Variants in ARHGAP21 observed in about 807,000 individuals in gnomAD.
The protein encoded by ARHGAP21 is rho GTPase-activating protein 21.
Under a neutral mutation model 164.6 loss-of-function variants are expected in ARHGAP21, and 38 were observed. The observed-to-expected ratio is 0.23, with a 90% CI of 0.18 to 0.30. ARHGAP21 has a LOEUF of 0.30. Ranked by LOEUF, ARHGAP21 falls within the 10% of genes least tolerant of loss-of-function variation. The pLI is 1.00. For synonymous variants in ARHGAP21, 766 were observed against 857.9 expected, an observed-to-expected ratio of 0.89 and a Z score of 1.87; for missense variants, 1,822 against 2,370.7, an observed-to-expected ratio of 0.77 and a Z score of 4.81.
At chr10:24,595,305 T>G in intron 19 of ARHGAP21, 115 bp from the exon 20 acceptor site, 1 of 916,578 alleles carries the variant, frequency 1.1e-6, no homozygotes, top group Non-Finnish European at 1.6e-6. Flanking sequence ...TCTAATAGTT[T>G]TGAAATGTAA....
intron 4 of ARHGAP21, among the ~76,000 whole-genome samples, chr10:24,666,557 G>A (rs941605279): frequency 6.6e-6 from 1 of 152,132 alleles, no homozygotes; most frequent in Non-Finnish European, 1.5e-5. Context: ...GTTCATTAAT[G>A]TTTAAATCAA....
At chr10:24,686,149 G>A (rs893347577) in intron 2 of ARHGAP21, among the ~76,000 whole-genome samples, 5 of 151,966 alleles carry the variant, frequency 3.3e-5, no homozygotes, top group Non-Finnish European at 7.4e-5. Context: ...AAACTACTTA[G>A]GCCGGACATG....
Position 24,678,938 on chromosome 10 carries a change from T to C in ARHGAP21, c.64-8541A>G, listed in dbSNP as rs911494672. 2.2e-4 allele frequency among the ~76,000 whole-genome samples: 34 copies of C among 152,378 alleles called. 1 individual carries two copies. The highest frequency in any genetic ancestry group is 3.4e-3 in the Middle Eastern group (1 of 294). The stretch of plus-strand genomic sequence containing the variant: ...TCACCGAGGTTGCTGCATGTATCTA[T>C]AGTTCATTCCTTTTCATTGCTGAGT... On this transcript the variant is annotated intron_variant, in intron 2 of 25. Transcript: ENST00000396432.
intron 4 of ARHGAP21, among the ~76,000 whole-genome samples, chr10:24,666,442 T>G (rs188124331): frequency 6.6e-6 from 1 of 152,194 alleles, no homozygotes; most frequent in African/African-American, 2.4e-5. Flanking sequence ...GAAATAAAAG[T>G]TTTTAATGGG....
chr10:24,591,418 C>G (rs1469754895), intron 23 of ARHGAP21, 88 bp from the exon 24 acceptor site: 1 of 1,237,596 alleles, frequency 8.1e-7, no homozygotes, highest in African/African-American at 1.5e-5. Flanking sequence ...AGACACATTA[C>G]TAAGTAAAGC....
intron 9 of ARHGAP21, 129 bp downstream of exon 9, chr10:24,619,344 T>C (rs190479052): frequency 3.3e-6 from 3 of 908,342 alleles, no homozygotes; most frequent in East Asian, 5.3e-5. Flanking sequence ...GCACAGCTTA[T>C]GAGATTCACT....
At chr10:24,590,938 AT>A in intron 24 of ARHGAP21, 1 of 897,342 alleles carries the variant, frequency 1.1e-6, no homozygotes, top group South Asian at 5.1e-5. Context: ...GAAACTGTGA[AT>A]TAAAAAAAAA....
chr10:24,703,704 G>A (rs1039440301), intron 2 of ARHGAP21, among the ~76,000 whole-genome samples: 1 of 152,092 alleles, frequency 6.6e-6, no homozygotes, highest in Non-Finnish European at 1.5e-5. Flanking sequence ...GTCTCCTTCA[G>A]TTGTTCTCCT....
At chr10:24,623,000 A>C (rs1834732272) in intron 7 of ARHGAP21, among the ~76,000 whole-genome samples, 1 of 152,204 alleles carries the variant, frequency 6.6e-6, no homozygotes, top group Non-Finnish European at 1.5e-5. Context: ...TCTTGAAAGC[A>C]AAATACATCT....
chr10:24,722,043 G>A lies in ARHGAP21; in HGVS notation c.-144C>T. 1 of 814,680 alleles carries A rather than the reference G, an allele frequency of 1.2e-6. No individual in the cohort carries two copies. The highest frequency in any genetic ancestry group is 1.6e-5 in the South Asian group (1 of 64,478). The allele number at this position is 814,680 out of a possible 1,614,324, so 50.5% of individuals were successfully genotyped here. On this transcript the variant is annotated 5_prime_UTR_variant, in exon 2 of 26. Coordinates refer to ENST00000396432, the MANE Select transcript of ARHGAP21 (RefSeq NM_020824.4). ...GGCTGTTGAAACAGACAACGTGCCA[G>A]GGAATAAAGGTTTTCAGGAAGCGCC... is the stretch of plus-strand genomic sequence containing the variant.
chr10:24,620,678 C>T lies in ARHGAP21; in HGVS notation c.1217G>A (p.Arg406Gln), dbSNP rs766681197. ...IDNRRLHIGC[R>Q]TIQERLDSLR... is the part of the protein sequence containing the mutation. ...ACTATCTAATCTTTCTTGTATTGTC[C>T]GACAACCTATGTGCAATCGTCTGTT... is the stretch of plus-strand genomic sequence containing the variant. The change falls in exon 9 of 26, where the codon CGG becomes CAG. Residue 406 changes from arginine (R) to glutamine (Q), a missense_variant. This residue lies in a region of ARHGAP21 where 1,090 missense variants were observed against 1,378.9 expected (regional missense o/e 0.79). Transcript: ENST00000396432. The T allele has an allele frequency of 2.8e-5, 45 of 1,613,934 alleles. No homozygotes were observed. Among genetic ancestry groups the T allele is most frequent in the Admixed American group, 6.7e-5 (4 of 59,990 alleles).
At chr10:24,669,302 C>T (rs1425518725) in intron 3 of ARHGAP21, among the ~76,000 whole-genome samples, 7 of 152,170 alleles carry the variant, frequency 4.6e-5, no homozygotes, top group South Asian at 2.1e-4. Flanking sequence ...GATAAAAATA[C>T]GGACACTACT....
At chr10:24,695,050 CAAAAAAAAAAAAAAAAAA>C (rs570457905) in intron 2 of ARHGAP21, among the ~76,000 whole-genome samples, 2 of 78,506 alleles carry the variant, frequency 2.5e-5, no homozygotes, top group Admixed American at 1.7e-4. Context: ...AATTCCATCT[CAAAAAAAAAAAAAAAAAA>C]AAAAAAAAAA....
chr10:24,595,668 T>C (rs747161640), intron 19 of ARHGAP21, 49 bp downstream of exon 19: 4 of 1,546,208 alleles, frequency 2.6e-6, no homozygotes, highest in African/African-American at 1.4e-5. Context: ...GGTTTTCCAA[T>C]TGTAACTTGA....
At chr10:24,587,168 A>G (rs938990705) in intron 25 of ARHGAP21, among the ~76,000 whole-genome samples, 2 of 152,118 alleles carry the variant, frequency 1.3e-5, no homozygotes, top group Non-Finnish European at 2.9e-5. Flanking sequence ...AAAATTTTTT[A>G]AGATGGAGTT....
In ARHGAP21 at chr10:24,590,333, G is replaced by C. The variant is rs775270456; in HGVS notation, c.4150+892C>G. 3 of 1,535,240 alleles carry C rather than the reference G, an allele frequency of 2.0e-6. No homozygotes were observed. In the South Asian group the frequency reaches 3.6e-5, roughly 18 times the overall value. ...TTTACACCACAGATCAACTATGTTTGCATTTACAAGAATCGGGGATTTCTG... is the reference window on the plus strand; with the variant it reads ...TTTACACCACAGATCAACTATGTTTCCATTTACAAGAATCGGGGATTTCTG... On this transcript the variant is annotated intron_variant, in intron 24 of 25. Coordinates refer to ENST00000396432, the MANE Select transcript of ARHGAP21 (RefSeq NM_020824.4).
chr10:24,653,967 A>C (rs1838506689), intron 4 of ARHGAP21, among the ~76,000 whole-genome samples: 1 of 152,238 alleles, frequency 6.6e-6, no homozygotes, highest in South Asian at 2.1e-4. Context: ...AATAGATGCA[A>C]ATCATATATC....
intron 2 of ARHGAP21, among the ~76,000 whole-genome samples, chr10:24,721,314 A>T (rs1845904287): frequency 6.6e-6 from 1 of 152,190 alleles, no homozygotes; most frequent in Non-Finnish European, 1.5e-5. Context: ...CTATTCACGG[A>T]AAAACACTTC....
At chr10:24,591,173 G>T (rs2076313897) in intron 24 of ARHGAP21, 52 bp downstream of exon 24, 7 of 1,401,602 alleles carry the variant, frequency 5.0e-6, no homozygotes, top group Middle Eastern at 2.6e-4. Context: ...CTTTCATATT[G>T]TAAGAATGTA....
Sources: gnomAD v4.1 joint callset for allele counts (sites outside exome capture counted in the v4.1 genomes callset) on GRCh38, gnomAD v4.1.1 for gene constraint, gnomAD v4.1.1 regional missense constraint, MANE v1.5 for transcripts, NCBI Gene and HGNC (gene_info 2026-07-23, HGNC 2026-07-21) for gene names.